AFF4: variants seen among roughly 807,000 people sequenced by gnomAD.
The protein encoded by AFF4 is ALF transcription elongation factor 4.
AFF4 carries 13 observed loss-of-function variants against 124.8 expected under a neutral mutation model. The observed-to-expected ratio is 0.10, with a 90% CI of 0.07 to 0.17. AFF4 has a LOEUF of 0.17. Ranked by LOEUF, AFF4 falls within the 10% of genes least tolerant of loss-of-function variation. The probability of loss-of-function intolerance (pLI) is 1.00; values close to 1 mark genes in which losing one functional copy is unlikely to be tolerated. For missense variants in AFF4, 1,092 were observed against 1,403.8 expected (o/e 0.78, Z 3.55); for synonymous variants, 477 against 496.1 (o/e 0.96, Z 0.51).
chr5:132,948,459 CAG>C (rs1227443682), intron 1 of AFF4: 1 of 152,478 alleles, frequency 6.6e-6, no homozygotes, highest in African/African-American at 2.4e-5. Context: ...TACTAAAAAT[CAG>C]AGAGAGGCAG....
chr5:132,880,904 C>T lies in AFF4; in HGVS notation c.*155G>A, dbSNP rs752012748. ...ATATTAAAGGGCCAACTGACATGAT[C>T]GCTTTGGATTATCAAAAACAACAAC... On this transcript the variant is annotated 3_prime_UTR_variant, in exon 21 of 21. Coordinates refer to ENST00000265343, the MANE Select transcript of AFF4 (RefSeq NM_014423.4). 4 of 858,950 alleles carry T rather than the reference C, an allele frequency of 4.7e-6. No individual in the cohort carries two copies. Among genetic ancestry groups the T allele is most frequent in the East Asian group, 2.9e-5 (1 of 33,916 alleles). 53.2% of individuals were successfully genotyped at this position (858,950 alleles called of 1,614,324 possible).
intron 13 of AFF4, 105 bp from the exon 14 acceptor site, chr5:132,889,278 C>A (rs1236616895): frequency 4.2e-6 from 3 of 718,050 alleles, no homozygotes; most frequent in Non-Finnish European, 6.9e-6. Flanking sequence ...AATTTCATTG[C>A]CTTTCATAAT....
intron 1 of AFF4, among the ~76,000 whole-genome samples, chr5:132,957,473 G>A (rs1476346361): frequency 6.6e-6 from 1 of 151,848 alleles, no homozygotes; most frequent in Non-Finnish European, 1.5e-5. Flanking sequence ...TGGCTCATAC[G>A]TATAATCCCA....
In AFF4 at chr5:132,883,424, C is replaced by T. The variant is rs2150063581; in HGVS notation, c.3280G>A (p.Ala1094Thr). Residue 1094 changes from alanine (A) to threonine (T), a missense_variant, in exon 20 of 21, where the codon GCC (alanine) becomes ACC (threonine). Coordinates refer to ENST00000265343, the MANE Select transcript of AFF4 (RefSeq NM_014423.4). The stretch of plus-strand genomic sequence containing the variant: ...TTGGATGTGACCTGAACATAGCTGG[C>T]TGCCATCTGGTGGATCTTCTGTGGA... Reference protein sequence around the residue: ...TIPQKIHQMAASYVQVTSNFL... With the variant: ...TIPQKIHQMATSYVQVTSNFL... The T allele has an allele frequency of 6.2e-7, 1 of 1,614,114 alleles. No homozygotes were observed. The highest frequency in any genetic ancestry group is 2.2e-5 in the East Asian group (1 of 44,890).
At chr5:132,941,838 C>G (rs528647865) in intron 1 of AFF4, among the ~76,000 whole-genome samples, 1 of 151,964 alleles carries the variant, frequency 6.6e-6, no homozygotes, top group African/African-American at 2.4e-5. Context: ...GGAATCCCCT[C>G]CTCTACTAAA....
At chr5:132,933,671 C>G (rs1761352377) in intron 3 of AFF4, among the ~76,000 whole-genome samples, 2 of 152,110 alleles carry the variant, frequency 1.3e-5, no homozygotes, top group African/African-American at 4.8e-5. Context: ...TTAAGTATAA[C>G]CAGAGAAAAG....
intron 13 of AFF4, 72 bp downstream of exon 13, chr5:132,892,092 A>G (rs753003074): frequency 1.2e-6 from 2 of 1,607,322 alleles, no homozygotes; most frequent in South Asian, 2.2e-5. Flanking sequence ...ATTTCAAAGC[A>G]CAGTGTCACC....
chr5:132,955,799 T>G (rs868713246), intron 1 of AFF4, among the ~76,000 whole-genome samples: 13 of 109,644 alleles, frequency 1.2e-4, no homozygotes, highest in African/African-American at 4.1e-4. Context: ...AAAAAAAATA[T>G]ATATATATAT....
chr5:132,885,001 AT>A, intron 19 of AFF4, 74 bp downstream of exon 19: 1 of 1,038,992 alleles, frequency 9.6e-7, no homozygotes, highest in Non-Finnish European at 1.4e-6. Flanking sequence ...TCATCTTTCC[AT>A]TTTTGGAAAT....
rs530695796 is a variant in AFF4 at position 132,961,774 on chromosome 5, A to T, written c.-5+1485T>A. Among the ~76,000 whole-genome samples the T allele has an allele frequency of 2.8e-4, 43 of 152,332 alleles. 1 individual carries two copies. Among genetic ancestry groups the T allele is most frequent in the African/African-American group, 1.0e-3 (42 of 41,588 alleles). Reference sequence around the variant, plus strand: ...CTTGAAGCAAAATTTTATTTAAAGTAAAATTTGCCTACTGTTTCTAGAGAG... The same window carrying T: ...CTTGAAGCAAAATTTTATTTAAAGTTAAATTTGCCTACTGTTTCTAGAGAG... On this transcript the variant is annotated intron_variant, in intron 1 of 20. Coordinates refer to ENST00000265343, the MANE Select transcript of AFF4 (RefSeq NM_014423.4).
rs1032004254 is a variant in AFF4 at position 132,883,978 on chromosome 5, C to G, written c.3144-418G>C. On this transcript the variant is annotated intron_variant, in intron 19 of 20. Transcript: ENST00000265343. ...AAAAAACTGTGGTAGAAGATGGGAACATCTTTTATTGAACTCCACAATTTC... is the reference window on the plus strand; with the variant it reads ...AAAAAACTGTGGTAGAAGATGGGAAGATCTTTTATTGAACTCCACAATTTC... Among the ~76,000 whole-genome samples, 5 of 152,150 alleles carry G rather than the reference C, an allele frequency of 3.3e-5. No individual in the cohort carries two copies. In the South Asian group the frequency reaches 6.2e-4, roughly 19 times the overall value.
chr5:132,905,938 C>G (rs766964482), intron 5 of AFF4, among the ~76,000 whole-genome samples: 6 of 152,058 alleles, frequency 3.9e-5, no homozygotes, highest in Non-Finnish European at 5.9e-5. Flanking sequence ...AATTCAATAA[C>G]AAGACAAGCC....
Position 132,935,397 on chromosome 5 carries a change from G to A in AFF4, c.124-456C>T, listed in dbSNP as rs376539072. ...TCCCAGCACTTTGGGAGGCCAAGAC[G>A]GACAGATCACCTGATGTCAGGAGTT... On this transcript the variant is annotated intron_variant, in intron 2 of 20. Coordinates refer to ENST00000265343, the MANE Select transcript of AFF4 (RefSeq NM_014423.4). 2.4e-4 allele frequency among the ~76,000 whole-genome samples: 36 copies of A among 152,286 alleles called. No individual in the cohort carries two copies. The East Asian group carries it at 4.8e-3, about 20-fold the overall frequency.
chr5:132,892,209 C>T lies in AFF4; in HGVS notation c.2592G>A (p.Gln864=). 1 of 1,614,106 alleles carries T rather than the reference C, an allele frequency of 6.2e-7. No homozygotes were observed. The highest frequency in any genetic ancestry group is 8.5e-7 in the Non-Finnish European group (1 of 1,180,022). The change falls in exon 13 of 21, where the codon CAG becomes CAA. Residue 864 remains glutamine, a synonymous_variant. Transcript: ENST00000265343. ...SSKNSSSTSK[Q]KKTEGKTSSS... ...TGGAAGTCTTCCCTTCGGTCTTCTT[C>T]TGCTTTGATGTGGAGGAACTGTTTT...
At position 132,934,952 on chromosome 5, in the gene AFF4, AT is replaced by A. The variant is rs758456455; in HGVS notation, c.124-12del. 2.2e-5 allele frequency: 33 copies of A among 1,474,626 alleles called. No homozygotes were observed. Among genetic ancestry groups the A allele is most frequent in the African/African-American group, 1.4e-4 (10 of 69,996 alleles). The allele number at this position is 1,474,626 out of a possible 1,614,324, so 91.3% of individuals were successfully genotyped here. A position where few individuals can be genotyped will look rare whatever the true frequency, so the allele number is the denominator to read the frequency against. Reference sequence around the variant, plus strand: ...ATCTTCTTTGCTAGTCTACAAAAAAATAAAATAAAATAAAATTATAAAATGA... The same window carrying A: ...ATCTTCTTTGCTAGTCTACAAAAAAAAAAATAAAATAAAATTATAAAATGA... On this transcript the variant is annotated splice_polypyrimidine_tract_variant and intron_variant, in intron 2 of 20. Coordinates refer to ENST00000265343, the MANE Select transcript of AFF4 (RefSeq NM_014423.4).
rs1208738088 is a variant in AFF4 at position 132,902,159 on chromosome 5, T to A, written c.1133+283A>T. ...ACCTCCCAGGTTCAAGTAATTCTCCTGCCTCAGCCTTCCAAGTAGCTGGGA... is the reference window on the plus strand; with the variant it reads ...ACCTCCCAGGTTCAAGTAATTCTCCAGCCTCAGCCTTCCAAGTAGCTGGGA... On this transcript the variant is annotated intron_variant, in intron 7 of 20. Coordinates refer to ENST00000265343, the MANE Select transcript of AFF4 (RefSeq NM_014423.4). Among the ~76,000 whole-genome samples the A allele has an allele frequency of 5.3e-5, 8 of 152,178 alleles. No individual in the cohort carries two copies. In the East Asian group the frequency reaches 1.5e-3, roughly 29 times the overall value.
Position 132,927,078 on chromosome 5 carries a change from TAG to T in AFF4, c.1050+41_1050+42del, listed in dbSNP as rs753894291. ...TCCATATGATTTTAGTCAAGCCATT[TAG>T]AGTTTTCTTACATTATGAAAGATAC... On this transcript the variant is annotated intron_variant, in intron 5 of 20. Transcript: ENST00000265343. 4 of 1,544,000 alleles carry T rather than the reference TAG, an allele frequency of 2.6e-6. No homozygotes were observed. In the African/African-American group the frequency reaches 5.5e-5, roughly 21 times the overall value.
chr5:132,898,938 A>G (rs1157041406), intron 9 of AFF4, among the ~76,000 whole-genome samples, 166 bp downstream of exon 9: 1 of 152,244 alleles, frequency 6.6e-6, no homozygotes, highest in Non-Finnish European at 1.5e-5. Flanking sequence ...GAGGTATAAT[A>G]CACAAAACAC....
In AFF4 at chr5:132,918,576, C is replaced by T. The variant is rs562104146; in HGVS notation, c.1050+8545G>A. On this transcript the variant is annotated intron_variant, in intron 5 of 20. Transcript: ENST00000265343. Reference sequence around the variant, plus strand: ...ACCTGGGAGGCTGAGGCAGGAGAATCGCTCGAACCCAGGAGGCGGAGGTTG... The same window carrying T: ...ACCTGGGAGGCTGAGGCAGGAGAATTGCTCGAACCCAGGAGGCGGAGGTTG... Among the ~76,000 whole-genome samples, 53 of 151,576 alleles carry T rather than the reference C, an allele frequency of 3.5e-4. 1 individual carries two copies. Among genetic ancestry groups the T allele is most frequent in the African/African-American group, 1.3e-3 (53 of 41,288 alleles).
Sources: allele counts gnomAD v4.1 joint callset (sites outside exome capture counted in the v4.1 genomes callset), GRCh38; gene constraint gnomAD v4.1.1; transcripts MANE v1.5; gene names NCBI Gene and HGNC (gene_info 2026-07-23, HGNC 2026-07-21).